The following MRAS variants were observed in gnomAD, a reference collection of about 807,000 sequenced individuals.
MRAS encodes the protein ras-related protein M-Ras.
MRAS carries 4 observed loss-of-function variants against 20.9 expected under a neutral mutation model. The ratio of observed to expected loss-of-function variants is 0.19; its 90% confidence interval spans 0.09 to 0.44. The LOEUF is 0.44. Ranked by LOEUF, MRAS falls within the 20% of genes least tolerant of loss-of-function variation. MRAS has a pLI of 0.99. For synonymous variants in MRAS, 98 were observed against 102.9 expected (o/e 0.95, Z 0.29); for missense variants, 154 against 277.5 (o/e 0.56, Z 3.16).
intron 1 of MRAS, among the ~76,000 whole-genome samples, chr3:138,368,901 G>C (rs893310665): frequency 1.3e-5 from 2 of 152,144 alleles, no homozygotes; most frequent in Admixed American, 6.5e-5. Flanking sequence ...AGGGTTTTGG[G>C]GGGGGCCGGA....
At chr3:138,379,870 T>C (rs1191876725) in intron 2 of MRAS, among the ~76,000 whole-genome samples, 1 of 152,210 alleles carries the variant, frequency 6.6e-6, no homozygotes, top group Non-Finnish European at 1.5e-5. Flanking sequence ...GACCATATGG[T>C]AGCTCTATTT....
chr3:138,393,981 G>A (rs765769856), intron 2 of MRAS, among the ~76,000 whole-genome samples: 27 of 152,020 alleles, frequency 1.8e-4, no homozygotes, highest in Non-Finnish European at 3.7e-4. Flanking sequence ...ATGAGCCACC[G>A]CACCCGGGTG....
Position 138,391,052 on chromosome 3 carries a change from T to A in MRAS, c.194-6272T>A, listed in dbSNP as rs187286277. The stretch of plus-strand genomic sequence containing the variant: ...AGAATTGCTGAAAGCTGGGTTTTTT[T>A]AAATTGGTCCTTTGAAAGAATCTGC... On this transcript the variant is annotated intron_variant, in intron 2 of 5. Coordinates refer to ENST00000423968, the MANE Select transcript of MRAS (RefSeq NM_001085049.3). Among the ~76,000 whole-genome samples the A allele has an allele frequency of 4.2e-3, 645 of 152,346 alleles. 5 individuals carry two copies. The highest frequency in any genetic ancestry group is 6.1e-3 in the Non-Finnish European group (413 of 68,034).
chr3:138,368,834 T>C (rs2054617034), intron 1 of MRAS, among the ~76,000 whole-genome samples: 2 of 151,912 alleles, frequency 1.3e-5, no homozygotes, highest in Non-Finnish European at 2.9e-5. Flanking sequence ...TTTGTAGGAG[T>C]GTGGTTCATA....
Position 138,351,296 on chromosome 3 carries a change from TG to T in MRAS, c.-19+2532del, listed in dbSNP as rs568449572. Among the ~76,000 whole-genome samples the T allele has an allele frequency of 2.6e-5, 4 of 152,294 alleles. No individual in the cohort carries two copies. In the South Asian group the frequency reaches 8.3e-4, roughly 32 times the overall value. ...TACAAGCATACTCATGTGAACTGAA[TG>T]GGAATGCATTCTTGTGCAATGCTGG... On this transcript the variant is annotated intron_variant, in intron 1 of 5. Coordinates refer to ENST00000423968, the MANE Select transcript of MRAS (RefSeq NM_001085049.3).
rs2055151351 is a variant in MRAS at position 138,392,426 on chromosome 3, G to T, written c.194-4898G>T. Among the ~76,000 whole-genome samples, 3 of 152,150 alleles carry T rather than the reference G, an allele frequency of 2.0e-5. No homozygotes were observed. In the South Asian group the frequency reaches 6.2e-4, roughly 32 times the overall value. Reference sequence around the variant, plus strand: ...AGGACATTGCTTTTGGAGATAATTTGTTCTATATTTAAGAGAGGCCTCTTC... The same window carrying T: ...AGGACATTGCTTTTGGAGATAATTTTTTCTATATTTAAGAGAGGCCTCTTC... On this transcript the variant is annotated intron_variant, in intron 2 of 5. Transcript: ENST00000423968.
chr3:138,399,125 G>A (rs2055305402), intron 4 of MRAS, among the ~76,000 whole-genome samples: 1 of 152,248 alleles, frequency 6.6e-6, no homozygotes, highest in Non-Finnish European at 1.5e-5. Context: ...AGGGCCAGGA[G>A]AAAGTGGAAA....
intron 2 of MRAS, among the ~76,000 whole-genome samples, chr3:138,394,928 T>C (rs1430044819): frequency 6.6e-6 from 1 of 152,242 alleles, no homozygotes; most frequent in African/African-American, 2.4e-5. Flanking sequence ...TGGATTCTTG[T>C]GCTAGCCTCC....
At chr3:138,361,187 G>T (rs1406597619) in intron 1 of MRAS, among the ~76,000 whole-genome samples, 1 of 152,200 alleles carries the variant, frequency 6.6e-6, no homozygotes, top group East Asian at 1.9e-4. Flanking sequence ...TGGGGGATAG[G>T]ACCTGACACT....
At chr3:138,397,541 C>G (rs1475601204) in intron 3 of MRAS, 64 bp downstream of exon 3, 2 of 1,569,264 alleles carry the variant, frequency 1.3e-6, no homozygotes, top group Non-Finnish European at 1.7e-6. Flanking sequence ...AGGGCGCTCT[C>G]TCTCTCTCTC....
chr3:138,394,764 G>A (rs903649149), intron 2 of MRAS, among the ~76,000 whole-genome samples: 1 of 152,142 alleles, frequency 6.6e-6, no homozygotes, highest in Non-Finnish European at 1.5e-5. Flanking sequence ...AGAAACAGGC[G>A]TCATCCTCAA....
chr3:138,390,480 C>T (rs932344290), intron 2 of MRAS, among the ~76,000 whole-genome samples: 5 of 152,218 alleles, frequency 3.3e-5, no homozygotes, highest in Non-Finnish European at 7.3e-5. Context: ...GGCAGCATAC[C>T]TCTTCTCCCA....
At chr3:138,355,627 C>T (rs899810576) in intron 1 of MRAS, among the ~76,000 whole-genome samples, 4 of 152,144 alleles carry the variant, frequency 2.6e-5, no homozygotes, top group African/African-American at 9.7e-5. Context: ...CCCTGAGTTG[C>T]CCTTAAAGAA....
chr3:138,386,891 T>C (rs1384956351), intron 2 of MRAS, among the ~76,000 whole-genome samples: 3 of 152,244 alleles, frequency 2.0e-5, no homozygotes, highest in Non-Finnish European at 4.4e-5. Flanking sequence ...CAAATTTTCA[T>C]GTGAAAACTT....
At chr3:138,393,653 A>G (rs1248053083) in intron 2 of MRAS, among the ~76,000 whole-genome samples, 1 of 151,704 alleles carries the variant, frequency 6.6e-6, no homozygotes, top group African/African-American at 2.4e-5. Flanking sequence ...AAAATCTGTA[A>G]ATATATGAAT....
chr3:138,356,589 C>T (rs891890261), intron 1 of MRAS, among the ~76,000 whole-genome samples: 3 of 152,208 alleles, frequency 2.0e-5, no homozygotes, highest in African/African-American at 7.2e-5. Context: ...TCTCACCAGT[C>T]TATCATGGTC....
chr3:138,404,664 A>G lies in MRAS; in HGVS notation c.*2395A>G, dbSNP rs755291514. On this transcript the variant is annotated 3_prime_UTR_variant, in exon 6 of 6. Coordinates refer to ENST00000423968, the MANE Select transcript of MRAS (RefSeq NM_001085049.3). ...TCATCTCCCATGAACTCATTTCCCC[A>G]TAAATGAAATGGGTAAATAATGCCC... 3.9e-5 allele frequency: 6 copies of G among 152,162 alleles called. No homozygotes were observed. Among genetic ancestry groups the G allele is most frequent in the Non-Finnish European group, 8.8e-5 (6 of 68,036 alleles). 9.4% of individuals were successfully genotyped at this position (152,162 alleles called of 1,614,324 possible).
At chr3:138,385,999 C>T (rs1388396915) in intron 2 of MRAS, among the ~76,000 whole-genome samples, 1 of 152,080 alleles carries the variant, frequency 6.6e-6, no homozygotes, top group African/African-American at 2.4e-5. Context: ...GGTCATCCAC[C>T]CTAGCGAGAG....
chr3:138,363,828 C>T (rs930155961), intron 1 of MRAS, among the ~76,000 whole-genome samples: 2 of 112,872 alleles, frequency 1.8e-5, no homozygotes, highest in Non-Finnish European at 4.1e-5. Flanking sequence ...TACCCCCCCC[C>T]CCCCCCAAAC....
Sources: allele counts gnomAD v4.1 joint callset (sites outside exome capture counted in the v4.1 genomes callset), GRCh38; gene constraint gnomAD v4.1.1; transcripts MANE v1.5; gene names NCBI Gene and HGNC (gene_info 2026-07-23, HGNC 2026-07-21).